DIS3L2: variants seen among roughly 807,000 people sequenced by gnomAD.
DIS3L2 encodes the protein DIS3 like 3'-5' exoribonuclease 2, also known as DIS3-like exonuclease 2.
DIS3L2 carries 34 observed loss-of-function variants against 97.5 expected under a neutral mutation model. That is an observed-to-expected ratio of 0.35 (90% CI 0.27 to 0.46). DIS3L2 has a LOEUF of 0.46. Among genes scored for constraint, DIS3L2 ranks in the 20% least tolerant of loss-of-function variants. The pLI, the probability that DIS3L2 is intolerant of heterozygous loss-of-function variation, is 1.00. For missense variants in DIS3L2, 1,038 were observed against 1,146.0 expected (o/e 0.91, Z 1.36); for synonymous variants, 435 against 445.2 (o/e 0.98, Z 0.29).
In DIS3L2 at chr2:232,276,699, G is replaced by A. The variant is rs1694150736; in HGVS notation, c.1659+13259G>A. 6.6e-6 allele frequency among the ~76,000 whole-genome samples: 1 copy of A among 152,224 alleles called. No homozygotes were observed. Among genetic ancestry groups the A allele is most frequent in the African/African-American group, 2.4e-5 (1 of 41,454 alleles). On this transcript the variant is annotated intron_variant, in intron 13 of 20. Transcript: ENST00000325385. This position sits in a 1 kb window ranked among gnomAD's most constrained non-coding sequence, Gnocchi z 4.4. ...AGAGAATGTAGTGATCAAGAGCATG[G>A]ACCCTGGGTCAGACTGCCTGGGTTC...
At chr2:232,191,437 A>G (rs1691614955) in intron 9 of DIS3L2, among the ~76,000 whole-genome samples, 1 of 152,208 alleles carries the variant, frequency 6.6e-6, no homozygotes, top group South Asian at 2.1e-4. Context: ...CTTCAAAAAA[A>G]ATTATAATTA....
At chr2:232,130,841 G>A in intron 7 of DIS3L2, 122 bp downstream of exon 7, 25 of 1,278,754 alleles carry the variant, frequency 2.0e-5, no homozygotes, top group South Asian at 1.2e-4. Flanking sequence ...TTAGAGCAGA[G>A]AATCATAAAA....
At chr2:232,097,395 G>A (rs1307550881) in intron 6 of DIS3L2, among the ~76,000 whole-genome samples, 1 of 152,172 alleles carries the variant, frequency 6.6e-6, no homozygotes, top group Non-Finnish European at 1.5e-5. Context: ...TCTCACGCAA[G>A]GCCCACTGTA....
chr2:232,006,857 CACAAAAA>C (rs72339866), intron 1 of DIS3L2, among the ~76,000 whole-genome samples: 34,455 of 151,796 alleles, frequency 0.23, 6,637 homozygotes, highest in African/African-American at 0.53. Context: ...TGGCATCCTG[CACAAAAA>C]ACAAGCAAAC....
chr2:232,092,322 A>G (rs1696868152), intron 6 of DIS3L2, among the ~76,000 whole-genome samples: 1 of 152,142 alleles, frequency 6.6e-6, no homozygotes, highest in Non-Finnish European at 1.5e-5. Flanking sequence ...GCTCTGTATT[A>G]TAATTTGAAG....
At chr2:232,079,503 G>C (rs1309639478) in intron 5 of DIS3L2, among the ~76,000 whole-genome samples, 1 of 150,594 alleles carries the variant, frequency 6.6e-6, no homozygotes. Context: ...GGGAGGCTGA[G>C]GCAGGAGAAT....
At chr2:232,300,581 T>C (rs1694828725) in intron 14 of DIS3L2, among the ~76,000 whole-genome samples, 1 of 152,114 alleles carries the variant, frequency 6.6e-6, no homozygotes, top group Non-Finnish European at 1.5e-5. Flanking sequence ...AGATTTAAAT[T>C]GGTGCCCTTG....
chr2:231,978,000 A>G (rs755926563), intron 1 of DIS3L2, among the ~76,000 whole-genome samples: 1 of 152,216 alleles, frequency 6.6e-6, no homozygotes, highest in Non-Finnish European at 1.5e-5. Context: ...ACTTCAGAAG[A>G]AAAGATGAAA....
At chr2:232,079,787 G>A (rs1696332639) in intron 5 of DIS3L2, among the ~76,000 whole-genome samples, 1 of 152,116 alleles carries the variant, frequency 6.6e-6, no homozygotes, top group Non-Finnish European at 1.5e-5. Context: ...CAGGCAGAGA[G>A]CTTTCCAGAT....
intron 13 of DIS3L2, among the ~76,000 whole-genome samples, chr2:232,279,578 G>C (rs991451233): frequency 2.6e-5 from 4 of 151,942 alleles, no homozygotes; most frequent in African/African-American, 9.7e-5. Context: ...GCCCAGGCTG[G>C]AGTTCAGTGG....
intron 1 of DIS3L2, among the ~76,000 whole-genome samples, chr2:231,984,946 T>C (rs73098519): frequency 0.047 from 7,135 of 152,278 alleles, 241 homozygotes; most frequent in African/African-American, 0.09. Flanking sequence ...TTTGAGCTAC[T>C]TGTAGAATCA....
intron 14 of DIS3L2, among the ~76,000 whole-genome samples, chr2:232,310,449 T>C (rs1366210409): frequency 6.6e-6 from 1 of 152,182 alleles, no homozygotes; most frequent in Non-Finnish European, 1.5e-5. Flanking sequence ...ATTCGGGTAG[T>C]GTTCAGCGAA....
chr2:232,336,478 A>G lies in DIS3L2; in HGVS notation c.2506A>G (p.Ile836Val), dbSNP rs1559221636. The stretch of plus-strand genomic sequence containing the variant: ...GCTGGGCTCTGCACAGGTCATCACC[A>G]TCTTCAGCCTGGTGGAGGTGGTCCT... ...EQEPAQQVIT[I>V]FSLVEVVLQA... The change falls in exon 21 of 21, where the codon ATC becomes GTC. Residue 836 changes from isoleucine (I) to valine (V), a missense_variant. Ile to Val is a conservative substitution (Grantham distance 29). Coordinates refer to ENST00000325385, the MANE Select transcript of DIS3L2 (RefSeq NM_152383.5). 1 of 1,611,038 alleles carries G rather than the reference A, an allele frequency of 6.2e-7. No homozygotes were observed. Among genetic ancestry groups the G allele is most frequent in the Non-Finnish European group, 8.5e-7 (1 of 1,179,332 alleles).
chr2:232,320,825 G>A (rs1260119991), intron 14 of DIS3L2, among the ~76,000 whole-genome samples: 10 of 152,196 alleles, frequency 6.6e-5, no homozygotes, highest in African/African-American at 2.2e-4. Context: ...AGATGGGCAC[G>A]GCTAGGTGTT....
intron 6 of DIS3L2, among the ~76,000 whole-genome samples, chr2:232,094,412 G>C (rs1172817548): frequency 6.6e-6 from 1 of 152,100 alleles, no homozygotes; most frequent in Non-Finnish European, 1.5e-5. Flanking sequence ...TGCTGAAAAT[G>C]GGGTGTTGAA....
intron 9 of DIS3L2, among the ~76,000 whole-genome samples, chr2:232,192,389 C>T (rs1425248458): frequency 6.6e-6 from 1 of 152,100 alleles, no homozygotes; most frequent in Non-Finnish European, 1.5e-5. Context: ...TCACGGTCCT[C>T]ATATGTCTCC....
chr2:232,174,641 A>G (rs1468929970), intron 9 of DIS3L2, among the ~76,000 whole-genome samples: 1 of 150,996 alleles, frequency 6.6e-6, no homozygotes, highest in African/African-American at 2.4e-5. Context: ...GATACCATGG[A>G]ATTTCCTGTA....
intron 1 of DIS3L2, among the ~76,000 whole-genome samples, chr2:231,997,673 T>G (rs1483911187): frequency 1.3e-5 from 2 of 152,310 alleles, no homozygotes; most frequent in East Asian, 3.9e-4. Flanking sequence ...AAAACATAAT[T>G]TCAGACCGAT....
At chr2:232,239,280 T>G (rs1008244536) in intron 11 of DIS3L2, among the ~76,000 whole-genome samples, 3 of 152,210 alleles carry the variant, frequency 2.0e-5, no homozygotes, top group African/African-American at 7.2e-5. Context: ...TTCTGTGTAC[T>G]TGGACCTGGC....
Sources: allele counts gnomAD v4.1 joint callset (sites outside exome capture counted in the v4.1 genomes callset), GRCh38; gene constraint gnomAD v4.1.1; non-coding constraint Gnocchi (gnomAD v3.1); transcripts MANE v1.5; gene names NCBI Gene and HGNC (gene_info 2026-07-23, HGNC 2026-07-21).